The following LMTK2 variants were observed in gnomAD, a reference collection of about 807,000 sequenced individuals.
LMTK2 encodes the protein serine/threonine-protein kinase LMTK2.
LMTK2 carries 37 observed loss-of-function variants against 127.5 expected under a neutral mutation model. The ratio of observed to expected loss-of-function variants is 0.29; its 90% CI spans 0.22 to 0.38. The LOEUF (loss-of-function observed/expected upper bound fraction) is 0.38. LMTK2 is among the 10% of genes least tolerant of loss of function. The pLI is 1.00. For missense variants in LMTK2, 1,694 were observed against 1,920.3 expected, an observed-to-expected ratio of 0.88 and a Z score of 2.20; for synonymous variants, 819 against 810.1, an observed-to-expected ratio of 1.01 and a Z score of -0.19.
Position 98,177,417 on chromosome 7 carries a change from C to A in LMTK2, c.791+5743C>A, listed in dbSNP as rs1187223778. On this transcript the variant is annotated intron_variant, in intron 7 of 13. Transcript: ENST00000297293. ...CATGTGGACACATGGAAAGATGCACCATGATTTATGGTGGGGAGGCCACAC... is the reference window on the plus strand; with the variant it reads ...CATGTGGACACATGGAAAGATGCACAATGATTTATGGTGGGGAGGCCACAC... Among the ~76,000 whole-genome samples the A allele has an allele frequency of 2.6e-5, 4 of 152,156 alleles. No individual in the cohort carries two copies. The East Asian group carries it at 7.7e-4, about 29-fold the overall frequency.
At chr7:98,130,587 A>C (rs1335816950) in intron 1 of LMTK2, among the ~76,000 whole-genome samples, 1 of 152,180 alleles carries the variant, frequency 6.6e-6, no homozygotes, top group Non-Finnish European at 1.5e-5. Context: ...GGGGATGATC[A>C]AGTGAAAATG....
intron 1 of LMTK2, among the ~76,000 whole-genome samples, chr7:98,132,538 C>T (rs77321734): frequency 0.014 from 2,160 of 152,142 alleles, 20 homozygotes; most frequent in Middle Eastern, 0.037. Context: ...CGTGAGCCAC[C>T]GCACCCAACC....
At chr7:98,137,815 G>T (rs1226199567) in intron 2 of LMTK2, among the ~76,000 whole-genome samples, 11 of 152,232 alleles carry the variant, frequency 7.2e-5, no homozygotes. Flanking sequence ...GTGAAGCGTG[G>T]TGATTGAATT....
chr7:98,160,105 C>T (rs1224575735), intron 6 of LMTK2, among the ~76,000 whole-genome samples: 1 of 152,076 alleles, frequency 6.6e-6, no homozygotes, highest in Non-Finnish European at 1.5e-5. Context: ...CCATTTTTAG[C>T]ATGTAATTGT....
chr7:98,140,165 T>G (rs1796668852), intron 2 of LMTK2, among the ~76,000 whole-genome samples: 92 of 3,322 alleles, frequency 0.028, 6 homozygotes, highest in Non-Finnish European at 0.041. Flanking sequence ...TTCTTTTCTT[T>G]TCTTTTCTTT....
intron 1 of LMTK2, among the ~76,000 whole-genome samples, chr7:98,133,556 A>C (rs1323411564): frequency 2.0e-5 from 3 of 151,920 alleles, no homozygotes; most frequent in Non-Finnish European, 2.9e-5. Context: ...AAAGAAAAAT[A>C]CTTTAAAGTT....
chr7:98,196,643 C>G (rs555947349), intron 11 of LMTK2, among the ~76,000 whole-genome samples: 1 of 152,338 alleles, frequency 6.6e-6, no homozygotes, highest in East Asian at 1.9e-4. Context: ...GTGGAGAAAA[C>G]TCCCTGGGGC....
chr7:98,162,845 C>T (rs942410267), intron 6 of LMTK2, among the ~76,000 whole-genome samples: 3 of 152,204 alleles, frequency 2.0e-5, no homozygotes, highest in Admixed American at 6.5e-5. Context: ...GGGTTATTAT[C>T]GAAACCACTA....
rs74487266 is a variant in LMTK2 at position 98,124,368 on chromosome 7, A to G, written c.104-12947A>G. On this transcript the variant is annotated intron_variant, in intron 1 of 13. Transcript: ENST00000297293. ...GTTTCTTCATTTTAAAATGGGGCTC[A>G]TCAGGCACAGTGGCTCATGACTGTT... Among the ~76,000 whole-genome samples, 4 of 152,240 alleles carry G rather than the reference A, an allele frequency of 2.6e-5. No homozygotes were observed. In the South Asian group the frequency reaches 6.2e-4, roughly 24 times the overall value.
intron 4 of LMTK2, among the ~76,000 whole-genome samples, chr7:98,151,905 G>A (rs941810510): frequency 5.9e-5 from 9 of 152,036 alleles, no homozygotes; most frequent in Admixed American, 1.3e-4. Flanking sequence ...CCTCTCCATC[G>A]CATTGGTCAT....
intron 1 of LMTK2, among the ~76,000 whole-genome samples, chr7:98,125,071 A>G (rs1796424559): frequency 6.6e-6 from 1 of 151,688 alleles, no homozygotes; most frequent in South Asian, 2.1e-4. Flanking sequence ...TGGGAGGCCG[A>G]GGCGGGCGGA....
intron 1 of LMTK2, among the ~76,000 whole-genome samples, chr7:98,122,881 C>T (rs1362618301): frequency 1.3e-5 from 2 of 152,018 alleles, no homozygotes; most frequent in African/African-American, 4.8e-5. Context: ...TCCCTGTTGC[C>T]TCCGAAACAT....
chr7:98,116,311 T>C (rs1796282695), intron 1 of LMTK2, among the ~76,000 whole-genome samples: 1 of 152,168 alleles, frequency 6.6e-6, no homozygotes, highest in Non-Finnish European at 1.5e-5. Flanking sequence ...TTGTAGATGC[T>C]CTGTCAGCAT....
chr7:98,177,006 G>A lies in LMTK2; in HGVS notation c.791+5332G>A, dbSNP rs567183250. Among the ~76,000 whole-genome samples the A allele has an allele frequency of 1.2e-4, 18 of 152,242 alleles. No individual in the cohort carries two copies. The South Asian group carries it at 2.7e-3, about 23-fold the overall frequency. On this transcript the variant is annotated intron_variant, in intron 7 of 13. Coordinates refer to ENST00000297293, the MANE Select transcript of LMTK2 (RefSeq NM_014916.4). ...AGGGTCGTGCAACTGGAAGCCAGCA[G>A]AGCTGGGATTCAAAGCTACACCGTC...
intron 1 of LMTK2, among the ~76,000 whole-genome samples, chr7:98,117,329 C>T (rs1796301360): frequency 6.6e-6 from 1 of 152,210 alleles, no homozygotes; most frequent in Admixed American, 6.5e-5. Flanking sequence ...AGTCATGACT[C>T]ACTGCAGCCT....
chr7:98,193,811 A>C lies in LMTK2; in HGVS notation c.3346A>C (p.Arg1116=). 6.2e-7 allele frequency: 1 copy of C among 1,613,932 alleles called. No individual in the cohort carries two copies. The highest frequency in any genetic ancestry group is 1.1e-5 in the South Asian group (1 of 91,060). ...FSDNDSEPEK[R]SEEVPGTSPS... ...AGACAATGACTCTGAGCCCGAGAAA[A>C]GGTCTGAGGAGGTCCCGGGAACCTC... The change falls in exon 11 of 14, where the codon AGG becomes CGG. Residue 1116 remains arginine (R), a synonymous_variant. Coordinates refer to ENST00000297293, the MANE Select transcript of LMTK2 (RefSeq NM_014916.4). The surrounding 1 kb of genome is among the most constrained non-coding windows in gnomAD (Gnocchi z 4.1).
intron 7 of LMTK2, among the ~76,000 whole-genome samples, chr7:98,175,934 C>T (rs750456277): frequency 3.9e-5 from 6 of 152,140 alleles, no homozygotes; most frequent in East Asian, 1.9e-4. Context: ...TAAACTATTC[C>T]GGACCATAAA....
At position 98,194,651 on chromosome 7, in the gene LMTK2, T is replaced by G; in HGVS notation, c.4107+79T>G. The G allele has an allele frequency of 3.0e-6, 4 of 1,311,898 alleles. No individual in the cohort carries two copies. The South Asian group carries it at 5.9e-5, about 19-fold the overall frequency. The allele number at this position is 1,311,898 out of a possible 1,614,324, so 81.3% of individuals were successfully genotyped here. On this transcript the variant is annotated intron_variant, in intron 11 of 13. Transcript: ENST00000297293. This position sits in a 1 kb window ranked among gnomAD's most constrained non-coding sequence, Gnocchi z 5.4. The stretch of plus-strand genomic sequence containing the variant: ...ATGTGCTAGGAAATTGAGTGTGGTC[T>G]GTTTTCTAGTTGCCATTTTGAGGCA...
In LMTK2 at chr7:98,186,869, C is replaced by T. The variant is rs776349365; in HGVS notation, c.877-8C>T. 1.9e-5 allele frequency: 30 copies of T among 1,609,098 alleles called. No individual in the cohort carries two copies. Among genetic ancestry groups the T allele is most frequent in the Non-Finnish European group, 2.3e-5 (27 of 1,177,418 alleles). On this transcript the variant is annotated splice_region_variant and splice_polypyrimidine_tract_variant and intron_variant, in intron 8 of 13. Transcript: ENST00000297293. ...ATTCAAAATTCTGTGTGCTTTCTAA[C>T]AAAACAGGAGGATTATATTGAAACA...
Sources: allele counts gnomAD v4.1 joint callset (sites outside exome capture counted in the v4.1 genomes callset), GRCh38; gene constraint gnomAD v4.1.1; non-coding constraint Gnocchi (gnomAD v3.1); transcripts MANE v1.5; gene names NCBI Gene and HGNC (gene_info 2026-07-23, HGNC 2026-07-21).